Variants in TYK2 observed in about 807,000 individuals in gnomAD.
TYK2 encodes the protein non-receptor tyrosine-protein kinase TYK2.
TYK2 carries 65 observed loss-of-function variants against 130.9 expected under a neutral mutation model. That is an observed-to-expected ratio of 0.50 (90% confidence interval 0.41 to 0.61). The LOEUF (loss-of-function observed/expected upper bound fraction) is 0.61, where lower values mean the gene tolerates loss of function less well. Ranked by LOEUF, TYK2 falls within the 20% of genes least tolerant of loss-of-function variation. The pLI, the probability that TYK2 is intolerant of heterozygous loss-of-function variation, is 0.00. For synonymous variants in TYK2, 647 were observed against 658.9 expected (o/e 0.98, Z 0.28); for missense variants, 1,378 against 1,610.7 (o/e 0.86, Z 2.47).
chr19:10,365,859 G>A lies in TYK2; in HGVS notation c.669C>T (p.Ile223=). Residue 223 remains isoleucine, a synonymous_variant, in exon 7 of 25, where the codon ATC becomes ATT. Transcript: ENST00000525621. ...GCCGGGTCAGGGCGCTGTGCTGCCG[G>A]ATATGCCGGCGGAAGGAGCGCGGGA... is the stretch of plus-strand genomic sequence containing the variant. The part of the protein sequence containing the change: ...DCIPRSFRRH[I]RQHSALTRLR... 1 of 1,612,196 alleles carries A rather than the reference G, an allele frequency of 6.2e-7. No individual in the cohort carries two copies. Among genetic ancestry groups the A allele is most frequent in the Non-Finnish European group, 8.5e-7 (1 of 1,179,610 alleles).
At chr19:10,354,377 G>T in intron 19 of TYK2, 135 bp downstream of exon 19, 1 of 1,317,442 alleles carries the variant, frequency 7.6e-7, no homozygotes, top group Non-Finnish European at 1.1e-6. Flanking sequence ...AAGACTCCTT[G>T]GCACCTAGGC....
chr19:10,371,757 T>C (rs2041915432), intron 3 of TYK2, among the ~76,000 whole-genome samples: 1 of 152,220 alleles, frequency 6.6e-6, no homozygotes, highest in African/African-American at 2.4e-5. Context: ...TGAGTAATTC[T>C]GGTTAAATTC....
intron 3 of TYK2, among the ~76,000 whole-genome samples, chr19:10,370,647 G>C (rs188780915): frequency 6.6e-6 from 1 of 151,824 alleles, no homozygotes; most frequent in Non-Finnish European, 1.5e-5. Flanking sequence ...GCAAAACCTC[G>C]TCTCTACTAA....
chr19:10,352,258 A>G (rs2040844825), intron 23 of TYK2, among the ~76,000 whole-genome samples, 176 bp downstream of exon 23: 2 of 148,846 alleles, frequency 1.3e-5, no homozygotes, highest in East Asian at 2.0e-4. Context: ...TATTTTTAGT[A>G]GAGACGGGTT....
intron 5 of TYK2, among the ~76,000 whole-genome samples, chr19:10,367,272 T>G (rs1437641130): frequency 6.6e-6 from 1 of 152,050 alleles, no homozygotes. Context: ...ACCCCTCCTC[T>G]TGTCAATCTT....
At chr19:10,376,023 T>C (rs1286074328) in intron 3 of TYK2, among the ~76,000 whole-genome samples, 2 of 149,306 alleles carry the variant, frequency 1.3e-5, no homozygotes, top group Admixed American at 6.6e-5. Flanking sequence ...TTTTTTTTTT[T>C]TTCTTTGAGA....
intron 2 of TYK2, 75 bp from the exon 3 acceptor site, chr19:10,378,501 C>G (rs978646677): frequency 3.2e-6 from 4 of 1,246,114 alleles, no homozygotes; most frequent in Non-Finnish European, 4.5e-6. Flanking sequence ...CTTCCACCCA[C>G]CCCAGCTAAG....
intron 3 of TYK2, among the ~76,000 whole-genome samples, chr19:10,374,170 G>C (rs1367358496): frequency 6.6e-6 from 1 of 152,114 alleles, no homozygotes. Context: ...GGAGGCTGAG[G>C]CAGGAGAATG....
chr19:10,373,564 C>T (rs2042002285), intron 3 of TYK2, among the ~76,000 whole-genome samples: 1 of 152,122 alleles, frequency 6.6e-6, no homozygotes. Context: ...CTCCTAACCT[C>T]AAGTGATCTG....
At chr19:10,351,363 C>G (rs1778588508) in intron 23 of TYK2, 1 of 462,088 alleles carries the variant, frequency 2.2e-6, no homozygotes, top group Admixed American at 3.1e-5. Flanking sequence ...GGCAGGCGCC[C>G]GTAATCCCAG....
rs575232937 is a variant in TYK2 at position 10,350,720 on chromosome 19, G to C, written c.*114C>G. On this transcript the variant is annotated 3_prime_UTR_variant, in exon 25 of 25. Transcript: ENST00000525621. ...GTCTCTAGACAGGAGTAAGGCACAC[G>C]GTGTGGGTGAGGCTGACATCCCCCT... 13 of 1,296,834 alleles carry C rather than the reference G, an allele frequency of 1.0e-5. No homozygotes were observed. Among genetic ancestry groups the C allele is most frequent in the Non-Finnish European group, 1.3e-5 (12 of 922,894 alleles). The allele number at this position is 1,296,834 out of a possible 1,614,324, so 80.3% of individuals were successfully genotyped here.
Position 10,368,221 on chromosome 19 carries a change from C to A in TYK2, c.318-19G>T, listed in dbSNP as rs765963885. On this transcript the variant is annotated intron_variant, in intron 4 of 24. Coordinates refer to ENST00000525621, the MANE Select transcript of TYK2 (RefSeq NM_003331.5). ...ATAAAACCTGCAGGAAGGAGGGACG[C>A]AGCTGGGGCTTAGCACAGAGTCAGA... The A allele has an allele frequency of 1.2e-6, 2 of 1,614,024 alleles. No homozygotes were observed. The highest frequency in any genetic ancestry group is 2.2e-5 in the East Asian group (1 of 44,892).
At chr19:10,352,374 G>A (rs1467473536) in intron 23 of TYK2, 60 bp downstream of exon 23, 18 of 1,180,858 alleles carry the variant, frequency 1.5e-5, no homozygotes, top group Non-Finnish European at 2.3e-5. Context: ...GCCTGGCCCA[G>A]CCTATGCCTT....
At chr19:10,354,892 A>G (rs896746725) in intron 18 of TYK2, among the ~76,000 whole-genome samples, 6 of 151,234 alleles carry the variant, frequency 4.0e-5, no homozygotes, top group Non-Finnish European at 5.9e-5. Flanking sequence ...TCTACAAAAA[A>G]GTTAAAAAAA....
rs546294128 is a variant in TYK2 at position 10,375,687 on chromosome 19, C to T, written c.193+2527G>A. Among the ~76,000 whole-genome samples, 18 of 149,524 alleles carry T rather than the reference C, an allele frequency of 1.2e-4. No individual in the cohort carries two copies. The East Asian group carries it at 2.6e-3, about 22-fold the overall frequency. Reference sequence around the variant, plus strand: ...ATCCCAGCACTTTGGAGGGCCGAGGCGGGCAGATCACGAGGTCAGGAGATC... The same window carrying T: ...ATCCCAGCACTTTGGAGGGCCGAGGTGGGCAGATCACGAGGTCAGGAGATC... On this transcript the variant is annotated intron_variant, in intron 3 of 24. Coordinates refer to ENST00000525621, the MANE Select transcript of TYK2 (RefSeq NM_003331.5).
Position 10,361,816 on chromosome 19 carries a change from C to G in TYK2, c.1913G>C (p.Arg638Pro). 2 of 1,613,988 alleles carry G rather than the reference C, an allele frequency of 1.2e-6. No individual in the cohort carries two copies. Among genetic ancestry groups the G allele is most frequent in the Admixed American group, 1.7e-5 (1 of 60,012 alleles). Residue 638 changes from arginine (R) to proline (P), a missense_variant, in exon 13 of 25, where the codon CGA (arginine) becomes CCA (proline). By Grantham distance (103) the Arg-to-Pro change is moderately radical. Transcript: ENST00000525621. This position sits in a 1 kb window ranked among gnomAD's most constrained non-coding sequence, Gnocchi z 4.0. ...VPGRDRGQELRVVLKVLDPSH... is the reference protein window; with the variant it reads ...VPGRDRGQELPVVLKVLDPSH... ...AGGGTCCAGCACTTTGAGCACCACT[C>G]GTAGCTCCTGCCCACGGTCCCTGCC...
chr19:10,357,628 G>T, intron 17 of TYK2, 136 bp downstream of exon 17: 1 of 1,249,948 alleles, frequency 8.0e-7, no homozygotes, highest in Non-Finnish European at 1.1e-6. Flanking sequence ...CCAGCGAGTG[G>T]CCCACCTGCT....
Position 10,365,848 on chromosome 19 carries a change from C to G in TYK2, c.680G>C (p.Ser227Thr). The G allele has an allele frequency of 3.7e-6, 6 of 1,612,438 alleles. No individual in the cohort carries two copies. The highest frequency in any genetic ancestry group is 4.2e-6 in the Non-Finnish European group (5 of 1,179,820). ...RSFRRHIRQH[S>T]ALTRLRLRNV... ...CCGAAGGCGCAGCCGGGTCAGGGCG[C>G]TGTGCTGCCGGATATGCCGGCGGAA... Residue 227 changes from serine (S) to threonine (T), a missense_variant, in exon 7 of 25, where the codon AGC becomes ACC. By Grantham distance (58) the Ser-to-Thr change is moderately conservative. Coordinates refer to ENST00000525621, the MANE Select transcript of TYK2 (RefSeq NM_003331.5).
rs2042322735 is a variant in TYK2, at chr19:10,380,460, T to TGAGGACC, written c.-267_-266insGGTCCTC. On this transcript the variant is annotated 5_prime_UTR_variant, in exon 1 of 25. Coordinates refer to ENST00000525621, the MANE Select transcript of TYK2 (RefSeq NM_003331.5). ...AAGCGCAGCCAGTCCCCGCGGCTTC[T>TGAGGACC]TCCTGAGGACCTCCGGCCGCGCTCC... 1 of 152,632 alleles carries TGAGGACC rather than the reference T, an allele frequency of 6.6e-6. No individual in the cohort carries two copies. The highest frequency in any genetic ancestry group is 1.5e-5 in the Non-Finnish European group (1 of 68,228). 9.5% of individuals were successfully genotyped at this position (152,632 alleles called of 1,614,324 possible). A position where few individuals can be genotyped will look rare whatever the true frequency, so the allele number is the denominator to read the frequency against.
Sources: allele counts gnomAD v4.1 joint callset (sites outside exome capture counted in the v4.1 genomes callset), GRCh38; gene constraint gnomAD v4.1.1; non-coding constraint Gnocchi (gnomAD v3.1); transcripts MANE v1.5; gene names NCBI Gene and HGNC (gene_info 2026-07-23, HGNC 2026-07-21).